The following SLIT1 variants were observed in gnomAD, a reference collection of about 807,000 sequenced individuals.
The protein encoded by SLIT1 is slit guidance ligand 1.
SLIT1 carries 66 observed loss-of-function variants against 186.1 expected under a neutral mutation model. That is an observed-to-expected ratio of 0.35 (90% CI 0.29 to 0.44). The LOEUF (loss-of-function observed/expected upper bound fraction) is 0.44, where lower values mean the gene tolerates loss of function less well. SLIT1 is among the 20% of genes least tolerant of loss of function. SLIT1 has a pLI of 1.00. For synonymous variants in SLIT1, 761 were observed against 833.8 expected (o/e 0.91, Z 1.50); for missense variants, 1,638 against 2,037.4 (o/e 0.80, Z 3.77).
In SLIT1 at chr10:97,042,888, G is replaced by A. The variant is rs376507351; in HGVS notation, c.2164+13C>T. 11 of 1,611,890 alleles carry A rather than the reference G, an allele frequency of 6.8e-6. No homozygotes were observed. Among genetic ancestry groups the A allele is most frequent in the African/African-American group, 2.7e-5 (2 of 74,876 alleles). On this transcript the variant is annotated intron_variant, in intron 20 of 36. Transcript: ENST00000266058. ...GGCGCCCTCTCCCTTGCCACCGGGG[G>A]GCCACGAGTTACCTTCCTCACACCT...
chr10:97,120,666 C>T (rs2134687189), intron 4 of SLIT1, among the ~76,000 whole-genome samples: 1 of 152,320 alleles, frequency 6.6e-6, no homozygotes, highest in East Asian at 1.9e-4. Context: ...CTCTGTGCCT[C>T]CTCCTAGGAT....
intron 13 of SLIT1, among the ~76,000 whole-genome samples, chr10:97,055,779 C>T (rs372045263): frequency 1.3e-5 from 2 of 152,118 alleles, no homozygotes; most frequent in East Asian, 1.9e-4. Flanking sequence ...TTGTCATTAC[C>T]GTATTTCATC....
At chr10:97,180,424 C>G (rs1340732155) in intron 1 of SLIT1, among the ~76,000 whole-genome samples, 1 of 152,242 alleles carries the variant, frequency 6.6e-6, no homozygotes, top group Non-Finnish European at 1.5e-5. Flanking sequence ...CTTATCCCAG[C>G]TTGCAGTTAT....
intron 22 of SLIT1, 25 bp downstream of exon 22, chr10:97,037,673 G>T (rs1297371155): frequency 1.3e-6 from 2 of 1,593,696 alleles, no homozygotes; most frequent in Admixed American, 1.7e-5. Flanking sequence ...AGGCCCTCCT[G>T]TCCTCAAGCG....
chr10:97,160,485 C>A (rs1850011625), intron 3 of SLIT1, among the ~76,000 whole-genome samples: 2 of 152,094 alleles, frequency 1.3e-5, no homozygotes, highest in Admixed American at 1.3e-4. Context: ...AGATTGCTCC[C>A]AAGGCCCTTT....
chr10:97,048,435 G>T (rs1217517626), intron 14 of SLIT1, among the ~76,000 whole-genome samples: 1 of 152,158 alleles, frequency 6.6e-6, no homozygotes, highest in Non-Finnish European at 1.5e-5. Flanking sequence ...ACTAAGGAGG[G>T]TTCCCAGGCC....
At chr10:97,180,489 T>C (rs1850321050) in intron 1 of SLIT1, among the ~76,000 whole-genome samples, 1 of 152,214 alleles carries the variant, frequency 6.6e-6, no homozygotes, top group South Asian at 2.1e-4. Context: ...GGACTAAAAC[T>C]CGGGTTTCTG....
At chr10:97,117,795 C>T (rs113453061) in intron 4 of SLIT1, among the ~76,000 whole-genome samples, 53 of 152,306 alleles carry the variant, frequency 3.5e-4, no homozygotes, top group African/African-American at 1.1e-3. Context: ...AACCTGAGTT[C>T]CTTCTCTGTG....
chr10:97,136,214 T>C (rs905354229), intron 4 of SLIT1, among the ~76,000 whole-genome samples: 4 of 152,106 alleles, frequency 2.6e-5, no homozygotes, highest in Admixed American at 6.5e-5. Flanking sequence ...TCCACTGTAA[T>C]AGGTGCACCA....
chr10:97,028,054 CAGCAGAGACA>C (rs985256595), intron 25 of SLIT1, among the ~76,000 whole-genome samples: 1 of 152,118 alleles, frequency 6.6e-6, no homozygotes, highest in African/African-American at 2.4e-5. Context: ...CCTTGGTGCC[CAGCAGAGACA>C]AGCACAAATG....
intron 6 of SLIT1, 144 bp from the exon 7 acceptor site, chr10:97,064,383 A>G (rs1028942486): frequency 2.8e-6 from 2 of 709,488 alleles, no homozygotes; most frequent in Non-Finnish European, 5.1e-6. Context: ...GCCGAAGAGC[A>G]TGAGGCATAT....
intron 10 of SLIT1, 136 bp from the exon 11 acceptor site, chr10:97,059,667 C>G: frequency 1.4e-6 from 1 of 709,604 alleles, no homozygotes; most frequent in Non-Finnish European, 2.5e-6. Context: ...GAGGCCAGAT[C>G]TCTCCTCCAT....
At chr10:97,164,943 G>T in intron 1 of SLIT1, 53 bp from the exon 2 acceptor site, 1 of 1,406,408 alleles carries the variant, frequency 7.1e-7, no homozygotes, top group Non-Finnish European at 1.0e-6. Flanking sequence ...TAAGCCCCCA[G>T]GCCAGGGGCC....
At chr10:97,005,875 G>A (rs1441967438) in intron 32 of SLIT1, among the ~76,000 whole-genome samples, 1 of 152,104 alleles carries the variant, frequency 6.6e-6, no homozygotes, top group Non-Finnish European at 1.5e-5. Flanking sequence ...GGAATTCGGG[G>A]GAAAGAGAAA....
chr10:97,124,741 C>G (rs563977827), intron 4 of SLIT1, among the ~76,000 whole-genome samples: 5 of 152,272 alleles, frequency 3.3e-5, no homozygotes, highest in African/African-American at 1.2e-4. Flanking sequence ...TAGTCCAGCC[C>G]TTGGACAGAG....
intron 4 of SLIT1, among the ~76,000 whole-genome samples, chr10:97,156,013 G>C (rs1849946593): frequency 6.6e-6 from 1 of 152,192 alleles, no homozygotes; most frequent in Admixed American, 6.5e-5. Flanking sequence ...GGAGGCACCT[G>C]CTGGGAAGAA....
In SLIT1 at chr10:97,131,753, T is replaced by C. The variant is rs568762548; in HGVS notation, c.413+26065A>G. On this transcript the variant is annotated intron_variant, in intron 4 of 36. Transcript: ENST00000266058. ...TGCCCCATTTGTTTTCCGGTAGTCA[T>C]GATAATAACAGCCACAAACATAAAC... Among the ~76,000 whole-genome samples the C allele has an allele frequency of 2.9e-4, 44 of 152,372 alleles. No homozygotes were observed. The South Asian group carries it at 6.8e-3, about 24-fold the overall frequency.
intron 7 of SLIT1, 90 bp from the exon 8 acceptor site, chr10:97,063,708 C>T: frequency 1.4e-6 from 2 of 1,390,534 alleles, no homozygotes; most frequent in Non-Finnish European, 1.9e-6. Context: ...GAGGCTGCCC[C>T]CGGTGCTGTG....
chr10:97,121,706 C>T (rs183166494), intron 4 of SLIT1, among the ~76,000 whole-genome samples: 29 of 152,292 alleles, frequency 1.9e-4, no homozygotes, highest in Admixed American at 1.2e-3. Context: ...TCCAATTTCC[C>T]TCCTGCCTTC....
Sources: gnomAD v4.1 joint callset for allele counts (sites outside exome capture counted in the v4.1 genomes callset) on GRCh38, gnomAD v4.1.1 for gene constraint, MANE v1.5 for transcripts, NCBI Gene and HGNC (gene_info 2026-07-23, HGNC 2026-07-21) for gene names.